Variants in PALM2AKAP2 observed in about 807,000 individuals in gnomAD.
PALM2AKAP2 encodes PALM2 and AKAP2 fusion, also known as PALM2-AKAP2 fusion protein.
In PALM2AKAP2, 37 loss-of-function variants were observed where a neutral mutation model predicts 71.5. The observed-to-expected ratio is 0.52, with a 90% CI of 0.40 to 0.68. The LOEUF (loss-of-function observed/expected upper bound fraction) is 0.68. Among genes scored for constraint, PALM2AKAP2 ranks in the 30% least tolerant of loss-of-function variants. The probability of loss-of-function intolerance (pLI) is 0.00; values close to 1 mark genes in which losing one functional copy is unlikely to be tolerated. For missense variants in PALM2AKAP2, 1,224 were observed against 1,191.8 expected (o/e 1.03, Z -0.40); for synonymous variants, 468 against 478.8 (o/e 0.98, Z 0.29).
At chr9:110,121,526 A>G (rs2119007965) in intron 1 of PALM2AKAP2, among the ~76,000 whole-genome samples, 1 of 152,278 alleles carries the variant, frequency 6.6e-6, no homozygotes, top group East Asian at 1.9e-4. Flanking sequence ...TTTCCCCTGC[A>G]CCTGCTACTT....
chr9:110,120,906 AT>A (rs574314122), intron 1 of PALM2AKAP2, among the ~76,000 whole-genome samples: 43 of 149,070 alleles, frequency 2.9e-4, no homozygotes, highest in East Asian at 7.8e-4. Context: ...GTTGACAACT[AT>A]TTTTTTTTTT....
intron 1 of PALM2AKAP2, among the ~76,000 whole-genome samples, chr9:109,856,283 G>A (rs952854332): frequency 2.6e-5 from 4 of 152,204 alleles, no homozygotes; most frequent in Non-Finnish European, 1.5e-5. Context: ...ACAAAGCACT[G>A]AGAACCACCT....
At chr9:109,782,553 A>C (rs1169296108) in intron 1 of PALM2AKAP2, among the ~76,000 whole-genome samples, 1 of 152,216 alleles carries the variant, frequency 6.6e-6, no homozygotes, top group Non-Finnish European at 1.5e-5. Context: ...AGGTATTATA[A>C]ATAATCTGAA....
intron 6 of PALM2AKAP2, among the ~76,000 whole-genome samples, chr9:109,937,532 A>G (rs1043666446): frequency 1.3e-5 from 2 of 152,228 alleles, no homozygotes; most frequent in African/African-American, 4.8e-5. Context: ...AAAATAAAAT[A>G]AAATAATTCT....
intron 6 of PALM2AKAP2, among the ~76,000 whole-genome samples, chr9:109,957,297 A>G (rs1204387382): frequency 2.6e-5 from 4 of 152,314 alleles, no homozygotes; most frequent in Non-Finnish European, 5.9e-5. Context: ...AAGGGAATGC[A>G]ATATACAAGC....
At chr9:110,155,284 A>C (rs1456322029) in intron 2 of PALM2AKAP2, among the ~76,000 whole-genome samples, 1 of 152,356 alleles carries the variant, frequency 6.6e-6, no homozygotes, top group East Asian at 1.9e-4. Context: ...AGCCCCATTT[A>C]TCTTGTGTGT....
At chr9:109,710,764 A>G (rs1371488682) in intron 1 of PALM2AKAP2, among the ~76,000 whole-genome samples, 2 of 152,202 alleles carry the variant, frequency 1.3e-5, no homozygotes, top group African/African-American at 2.4e-5. Context: ...AGGATACTTG[A>G]ACTCTGCTAC....
chr9:110,021,393 G>A (rs1245787511), intron 7 of PALM2AKAP2, among the ~76,000 whole-genome samples: 1 of 152,154 alleles, frequency 6.6e-6, no homozygotes, highest in Non-Finnish European at 1.5e-5. Context: ...CTCCAGAATT[G>A]TGAGAAAATA....
At chr9:109,995,888 C>T (rs1167279999) in intron 6 of PALM2AKAP2, among the ~76,000 whole-genome samples, 1 of 152,164 alleles carries the variant, frequency 6.6e-6, no homozygotes, top group Non-Finnish European at 1.5e-5. Flanking sequence ...AACTGGTGCA[C>T]TTGCCATGAG....
chr9:109,997,222 A>C (rs1168751362), intron 6 of PALM2AKAP2, among the ~76,000 whole-genome samples: 1 of 152,134 alleles, frequency 6.6e-6, no homozygotes, highest in East Asian at 1.9e-4. Flanking sequence ...TAAAGTAATA[A>C]AAAGTAAATA....
intron 6 of PALM2AKAP2, among the ~76,000 whole-genome samples, chr9:109,996,340 G>A (rs541996095): frequency 3.0e-4 from 46 of 152,292 alleles, no homozygotes; most frequent in Admixed American, 5.9e-4. Flanking sequence ...TAATTGGAGA[G>A]GAAACCAAGT....
chr9:109,964,193 G>A (rs1341745970), intron 6 of PALM2AKAP2, among the ~76,000 whole-genome samples: 3 of 152,350 alleles, frequency 2.0e-5, no homozygotes, highest in East Asian at 3.9e-4. Flanking sequence ...AGAAATGTTC[G>A]GCATAGGCCT....
At chr9:109,740,681 G>C (rs1157836328) in intron 1 of PALM2AKAP2, among the ~76,000 whole-genome samples, 1 of 152,148 alleles carries the variant, frequency 6.6e-6, no homozygotes, top group African/African-American at 2.4e-5. Flanking sequence ...TTTAGACGGA[G>C]TCTCACTGTG....
upstream of PALM2AKAP2, among the ~76,000 whole-genome samples, chr9:110,044,121 T>A (rs867117608): frequency 4.4e-3 from 671 of 152,216 alleles, 6 homozygotes; most frequent in African/African-American, 0.015. Flanking sequence ...TTGTCATATA[T>A]GTTGCAAATA....
At chr9:109,685,055 C>T (rs1464575810) in intron 1 of PALM2AKAP2, among the ~76,000 whole-genome samples, 1 of 152,110 alleles carries the variant, frequency 6.6e-6, no homozygotes, top group Admixed American at 6.5e-5. Flanking sequence ...TCAAAGATTA[C>T]AGTCTATATG....
chr9:109,898,938 G>T (rs1383966576), intron 3 of PALM2AKAP2, among the ~76,000 whole-genome samples: 1 of 152,164 alleles, frequency 6.6e-6, no homozygotes, highest in Admixed American at 6.5e-5. Flanking sequence ...CTCTCTCCTT[G>T]TTTACTTGAG....
intron 2 of PALM2AKAP2, among the ~76,000 whole-genome samples, chr9:110,154,915 T>C (rs1430255770): frequency 6.6e-6 from 1 of 152,204 alleles, no homozygotes; most frequent in Non-Finnish European, 1.5e-5. Flanking sequence ...AAATTCCCAT[T>C]TAACCGCTAT....
rs116931432 is a variant in PALM2AKAP2 at position 109,797,338 on chromosome 9, A to G, written c.45+16805A>G. 4.7e-4 allele frequency among the ~76,000 whole-genome samples: 71 copies of G among 152,266 alleles called. No individual in the cohort carries two copies. The East Asian group carries it at 0.014, about 29-fold the overall frequency. The stretch of plus-strand genomic sequence containing the variant: ...CTCACTGAATGCTTTTTGAATGGAA[A>G]CAGTTGCTTTGCCAACTTCACCTTT... On this transcript the variant is annotated intron_variant, in intron 1 of 9. Coordinates refer to the PALM2AKAP2 transcript ENST00000302798.
At position 110,138,202 on chromosome 9, in the gene PALM2AKAP2, G is replaced by GCC. The variant is rs376237093; in HGVS notation, c.2238_2239dup (p.Gln747ProfsTer34). The GCC allele has an allele frequency of 6.2e-7, 1 of 1,611,212 alleles. No individual in the cohort carries two copies. On this transcript the variant is annotated frameshift_variant, in exon 2 of 4. Transcript: ENST00000374525. LOFTEE classifies it high-confidence loss of function. The stretch of plus-strand genomic sequence containing the variant: ...AAGACAGGGCGCTCAGGGAAAGGGG[G>GCC]CCCCCCCAGCCACTGCCAGCTGTGC...
Sources: allele counts gnomAD v4.1 joint callset (sites outside exome capture counted in the v4.1 genomes callset), GRCh38; gene constraint gnomAD v4.1.1; transcripts MANE v1.5; gene names NCBI Gene and HGNC (gene_info 2026-07-23, HGNC 2026-07-21).